UNC80: variants seen among roughly 807,000 people sequenced by gnomAD.
The protein encoded by UNC80 is protein unc-80 homolog.
A neutral mutation model predicts 384.6 loss-of-function variants in UNC80; 164 were observed. That is an observed-to-expected ratio of 0.43 (90% CI 0.38 to 0.49). UNC80 has a LOEUF of 0.49. Ranked by LOEUF, UNC80 falls within the 20% of genes least tolerant of loss-of-function variation. The pLI, the probability that UNC80 is intolerant of heterozygous loss-of-function variation, is 0.00. For synonymous variants in UNC80, 1,486 were observed against 1,527.8 expected (o/e 0.97, Z 0.64); for missense variants, 3,330 against 4,143.0 (o/e 0.80, Z 5.39).
At chr2:209,850,662 A>G (rs1224487586) in intron 22 of UNC80, among the ~76,000 whole-genome samples, 2 of 152,146 alleles carry the variant, frequency 1.3e-5, no homozygotes, top group Non-Finnish European at 2.9e-5. Context: ...TTTCCGTTAT[A>G]TAAGATTTTT....
intron 28 of UNC80, among the ~76,000 whole-genome samples, chr2:209,901,022 C>G (rs2087338768): frequency 6.6e-6 from 1 of 152,118 alleles, no homozygotes; most frequent in Non-Finnish European, 1.5e-5. Flanking sequence ...GAAGCCATCT[C>G]CATAACATAA....
intron 35 of UNC80, among the ~76,000 whole-genome samples, chr2:209,923,406 T>C (rs566019664): frequency 6.6e-6 from 1 of 152,192 alleles, no homozygotes; most frequent in African/African-American, 2.4e-5. Flanking sequence ...ATATGTGTTA[T>C]GTTATGAGTT....
At position 209,885,632 on chromosome 2, in the gene UNC80, T is replaced by C. The variant is rs575136959; in HGVS notation, c.4111-2463T>C. Among the ~76,000 whole-genome samples the C allele has an allele frequency of 4.6e-5, 7 of 152,302 alleles. No individual in the cohort carries two copies. The South Asian group carries it at 1.2e-3, about 27-fold the overall frequency. ...ATTTATAGAATATTCTTGATGATGGTAAAATAGATTCCATGTAGTTCCTAT... is the reference window on the plus strand; with the variant it reads ...ATTTATAGAATATTCTTGATGATGGCAAAATAGATTCCATGTAGTTCCTAT... On this transcript the variant is annotated intron_variant, in intron 25 of 64. Transcript: ENST00000673920.
intron 5 of UNC80, among the ~76,000 whole-genome samples, chr2:209,787,827 T>C (rs1046008168): frequency 6.6e-6 from 1 of 152,256 alleles, no homozygotes; most frequent in African/African-American, 2.4e-5. Flanking sequence ...ATATTTCTTC[T>C]ACTCCTACTA....
At chr2:209,795,569 C>T (rs921325771) in intron 7 of UNC80, 21 of 152,254 alleles carry the variant, frequency 1.4e-4, no homozygotes, top group African/African-American at 5.1e-4. Context: ...GCCCAGAGGC[C>T]CAGGAGGAAA....
chr2:209,956,312 T>TAATTTCTCCACATTCCTA lies in UNC80; in HGVS notation c.7458-1332_7458-1331insAATTTCTCCACATTCCTA, dbSNP rs1553613843. Among the ~76,000 whole-genome samples the TAATTTCTCCACATTCCTA allele has an allele frequency of 2.0e-4, 30 of 152,232 alleles. 1 individual carries two copies. Among genetic ancestry groups the TAATTTCTCCACATTCCTA allele is most frequent in the Admixed American group, 2.6e-4 (4 of 15,276 alleles). ...TTACAAAAAGAAGATAAGAATTCTC[T>TAATTTCTCCACATTCCTA]GCTCAGGGTTTCTCAAGGTGGAAGT... On this transcript the variant is annotated intron_variant, in intron 48 of 64. Transcript: ENST00000673920.
intron 7 of UNC80, among the ~76,000 whole-genome samples, chr2:209,804,778 T>G (rs566660782): frequency 0.022 from 3,229 of 148,478 alleles, 120 homozygotes; most frequent in African/African-American, 0.076. Flanking sequence ...GTTTTGTTTT[T>G]TTTTTGAGAC....
intron 5 of UNC80, 69 bp downstream of exon 5, chr2:209,786,258 G>C: frequency 4.6e-6 from 7 of 1,510,852 alleles, no homozygotes; most frequent in Non-Finnish European, 6.2e-6. Context: ...TAGAGTGATG[G>C]GATAATTTGC....
chr2:209,852,026 C>G (rs145873546), intron 22 of UNC80, among the ~76,000 whole-genome samples: 1 of 151,966 alleles, frequency 6.6e-6, no homozygotes, highest in African/African-American at 2.4e-5. Flanking sequence ...AATGAAGGAG[C>G]GCTGGAGCTT....
intron 29 of UNC80, among the ~76,000 whole-genome samples, chr2:209,910,465 T>C (rs1488412244): frequency 6.6e-6 from 1 of 151,996 alleles, no homozygotes; most frequent in Non-Finnish European, 1.5e-5. Context: ...CTTATCACCT[T>C]GATGTGAAAG....
At chr2:209,918,474 T>C in intron 32 of UNC80, 58 bp from the exon 33 acceptor site, 1 of 1,512,820 alleles carries the variant, frequency 6.6e-7, no homozygotes, top group East Asian at 2.5e-5. Context: ...TCATTATACT[T>C]CAGCCTCATT....
At position 209,813,820 on chromosome 2, in the gene UNC80, A is replaced by G. The variant is rs2153827302; in HGVS notation, c.1179A>G (p.Leu393=). Residue 393 remains leucine (L), a synonymous_variant, in exon 8 of 65, where the codon CTA becomes CTG. Transcript: ENST00000673920. ...CCATGGTGGCAGCAGCTCCCTCACT[A>G]GTGAACACCCACAAAACCCAAGTAA... ...SSSMVAAAPS[L]VNTHKTQDLT... The G allele has an allele frequency of 1.3e-6, 2 of 1,552,036 alleles. No individual in the cohort carries two copies. The highest frequency in any genetic ancestry group is 1.2e-5 in the South Asian group (1 of 84,036).
At chr2:209,905,803 C>T (rs11688226) in intron 29 of UNC80, among the ~76,000 whole-genome samples, 16,722 of 152,184 alleles carry the variant, frequency 0.11, 1,056 homozygotes, top group South Asian at 0.26. Context: ...CAGCTGCCCT[C>T]TTCTGAAAAC....
chr2:209,774,080 A>G (rs967159011), intron 2 of UNC80, among the ~76,000 whole-genome samples: 1 of 152,224 alleles, frequency 6.6e-6, no homozygotes, highest in Non-Finnish European at 1.5e-5. Context: ...CAATTTGGAT[A>G]TTGCCATGCA....
At chr2:209,886,200 AT>A in intron 25 of UNC80, among the ~76,000 whole-genome samples, 1 of 151,776 alleles carries the variant, frequency 6.6e-6, no homozygotes, top group African/African-American at 2.4e-5. Context: ...TTATGTCATA[AT>A]TAGAAAAATA....
At chr2:209,948,034 T>C (rs913515870) in intron 47 of UNC80, among the ~76,000 whole-genome samples, 6 of 150,142 alleles carry the variant, frequency 4.0e-5, no homozygotes, top group African/African-American at 1.3e-4. Flanking sequence ...CATTCACTTA[T>C]AATAGTCATA....
chr2:209,886,648 G>C (rs2085835720), intron 25 of UNC80, among the ~76,000 whole-genome samples: 1 of 152,124 alleles, frequency 6.6e-6, no homozygotes, highest in Non-Finnish European at 1.5e-5. Context: ...AAGGGAGTAA[G>C]AAATTCCCCC....
intron 22 of UNC80, among the ~76,000 whole-genome samples, chr2:209,856,839 G>A (rs1190638169): frequency 6.6e-6 from 1 of 151,814 alleles, no homozygotes; most frequent in Non-Finnish European, 1.5e-5. Context: ...CCAGGCTGGA[G>A]TGCAGTGGCA....
At chr2:209,792,908 T>C (rs1360242721) in intron 6 of UNC80, among the ~76,000 whole-genome samples, 1 of 152,214 alleles carries the variant, frequency 6.6e-6, no homozygotes, top group Non-Finnish European at 1.5e-5. Context: ...TTTTTAAATC[T>C]CTAAATCACC....
Sources: gnomAD v4.1 joint callset for allele counts (sites outside exome capture counted in the v4.1 genomes callset) on GRCh38, gnomAD v4.1.1 for gene constraint, MANE v1.5 for transcripts, NCBI Gene and HGNC (gene_info 2026-07-23, HGNC 2026-07-21) for gene names.